Variants in COG4 observed in about 807,000 individuals in gnomAD.
The protein encoded by COG4 is conserved oligomeric Golgi complex subunit 4.
In COG4, 65 loss-of-function variants were observed where a neutral mutation model predicts 95.1. The observed-to-expected ratio is 0.68, with a 90% confidence interval of 0.56 to 0.84. The LOEUF (loss-of-function observed/expected upper bound fraction) is 0.84. COG4 is among the 40% of genes least tolerant of loss of function. The pLI is 0.00. For missense variants in COG4, 1,045 were observed against 989.1 expected, an observed-to-expected ratio of 1.06 and a Z score of -0.76; for synonymous variants, 421 against 374.8, an observed-to-expected ratio of 1.12 and a Z score of -1.42.
At chr16:70,503,570 C>G (rs1298681439) in intron 8 of COG4, among the ~76,000 whole-genome samples, 6 of 150,712 alleles carry the variant, frequency 4.0e-5, no homozygotes. Flanking sequence ...CTGGAATACT[C>G]CTCACATCTT....
At position 70,481,133 on chromosome 16, in the gene COG4, G is replaced by A. The variant is rs767522005; in HGVS notation, c.2247C>T (p.Ile749=). The change falls in exon 19 of 19, where the codon ATC becomes ATT. Residue 749 remains isoleucine, a synonymous_variant. Coordinates refer to ENST00000323786, the MANE Select transcript of COG4 (RefSeq NM_015386.3). ...TILNLERVTE[I]LDYWGPNSGP... is the part of the protein sequence containing the mutation. ...CGGAATTGGGTCCCCAGTAATCGAG[G>A]ATCTCGGTCACCTGTGGGGAAGGAC... is the stretch of plus-strand genomic sequence containing the variant. The A allele has an allele frequency of 6.2e-7, 1 of 1,613,456 alleles. No individual in the cohort carries two copies. The highest frequency in any genetic ancestry group is 8.5e-7 in the Non-Finnish European group (1 of 1,179,970).
chr16:70,480,676 C>T lies in COG4; in HGVS notation c.*334G>A. ...ATGTACCCAAGTTGTCTAGGACTGG[C>T]AGGGGTAGCTTGTTTGCTGTAGTGT... On this transcript the variant is annotated 3_prime_UTR_variant, in exon 19 of 19. Transcript: ENST00000323786. 2.8e-6 allele frequency: 1 copy of T among 362,126 alleles called. No individual in the cohort carries two copies. The highest frequency in any genetic ancestry group is 5.2e-6 in the Non-Finnish European group (1 of 192,384). 22.4% of individuals were successfully genotyped at this position (362,126 alleles called of 1,614,324 possible).
chr16:70,497,283 G>A lies in COG4; in HGVS notation c.1419C>T (p.Ser473=), dbSNP rs1164195171. The change falls in exon 11 of 19, where the codon TCC becomes TCT. Residue 473 remains serine (S), a synonymous_variant. Transcript: ENST00000323786. ...KKCIGRALSS[S]SIDCLCAMIN... is the part of the protein sequence containing the mutation. ...TCATGGCACAGAGACAGTCAATGCT[G>A]GAGCTGGACAGAGCCCGCCCAATGC... The A allele has an allele frequency of 6.2e-7, 1 of 1,614,138 alleles. No homozygotes were observed. The highest frequency in any genetic ancestry group is 1.1e-5 in the South Asian group (1 of 91,090).
chr16:70,517,494 G>A, intron 3 of COG4, 132 bp downstream of exon 3: 1 of 649,826 alleles, frequency 1.5e-6, no homozygotes, highest in Non-Finnish European at 2.7e-6. Flanking sequence ...AGGCTGAGGT[G>A]GGAGAATTGC....
Position 70,481,630 on chromosome 16 carries a change from G to C in COG4, c.2106+134C>G, listed in dbSNP as rs1463835366. On this transcript the variant is annotated intron_variant, in intron 17 of 18. Transcript: ENST00000323786. ...GTTTGCTCTACGGCTTCAGAAGCCA[G>C]AGCAGGACTGGACCCAGACATGCAG... 5.0e-6 allele frequency: 7 copies of C among 1,401,142 alleles called. No homozygotes were observed. In the East Asian group the frequency reaches 1.2e-4, roughly 24 times the overall value. The allele number at this position is 1,401,142 out of a possible 1,614,324, so 86.8% of individuals were successfully genotyped here.
intron 12 of COG4, among the ~76,000 whole-genome samples, 173 bp downstream of exon 12, chr16:70,496,093 A>G (rs2049333897): frequency 6.6e-6 from 1 of 152,236 alleles, no homozygotes; most frequent in Non-Finnish European, 1.5e-5. Flanking sequence ...TCCCTGAGTA[A>G]GAAATAGTTT....
intron 7 of COG4, 80 bp downstream of exon 7, chr16:70,509,151 T>C: frequency 1.3e-6 from 2 of 1,579,096 alleles, no homozygotes; most frequent in South Asian, 2.2e-5. Flanking sequence ...TTTTCACTTT[T>C]TCAAACCCTA....
chr16:70,514,742 C>A (rs1013014408), intron 3 of COG4, among the ~76,000 whole-genome samples: 5 of 152,082 alleles, frequency 3.3e-5, no homozygotes, highest in Non-Finnish European at 7.4e-5. Flanking sequence ...TAGACAGAGT[C>A]TCACTCTGTT....
chr16:70,514,364 A>G lies in COG4; in HGVS notation c.515T>C (p.Val172Ala). 6.2e-7 allele frequency: 1 copy of G among 1,614,170 alleles called. No individual in the cohort carries two copies. The highest frequency in any genetic ancestry group is 8.5e-7 in the Non-Finnish European group (1 of 1,180,040). ...THRYLCLDKS[V>A]IELSRQGKEG... Reference sequence around the variant, plus strand: ...TTTGCCCTGTCGGCTGAGCTCAATGACCGACTTGTCCAGGCACAAGTAGCG... The same window carrying G: ...TTTGCCCTGTCGGCTGAGCTCAATGGCCGACTTGTCCAGGCACAAGTAGCG... The change falls in exon 4 of 19, where the codon GTC becomes GCC. Residue 172 changes from valine to alanine, a missense_variant. By Grantham distance (64) the Val-to-Ala change is moderately conservative. Coordinates refer to ENST00000323786, the MANE Select transcript of COG4 (RefSeq NM_015386.3).
Position 70,481,983 on chromosome 16 carries a change from T to C in COG4, c.2004+109A>G, listed in dbSNP as rs750280446. 2.9e-4 allele frequency: 391 copies of C among 1,332,690 alleles called. 1 individual carries two copies. The highest frequency in any genetic ancestry group is 7.2e-4 in the Middle Eastern group (4 of 5,566). 82.6% of individuals were successfully genotyped at this position (1,332,690 alleles called of 1,614,324 possible). A position where few individuals can be genotyped will look rare whatever the true frequency, so the allele number is the denominator to read the frequency against. ...ACGGGGGAGTTTCTACAGGTGAGGGTTGGAAGGGCTTTCAGGGTCCCCAGA... is the reference window on the plus strand; with the variant it reads ...ACGGGGGAGTTTCTACAGGTGAGGGCTGGAAGGGCTTTCAGGGTCCCCAGA... On this transcript the variant is annotated intron_variant, in intron 16 of 18. Transcript: ENST00000323786.
At chr16:70,522,597 G>A (rs1181275521) in intron 1 of COG4, among the ~76,000 whole-genome samples, 1 of 152,206 alleles carries the variant, frequency 6.6e-6, no homozygotes, top group Non-Finnish European at 1.5e-5. Flanking sequence ...TGCCTTTTGT[G>A]CTCAACTTTG....
At chr16:70,493,110 C>T (rs2049277561) in intron 12 of COG4, among the ~76,000 whole-genome samples, 1 of 152,166 alleles carries the variant, frequency 6.6e-6, no homozygotes, top group South Asian at 2.1e-4. Flanking sequence ...AAGGGTAGAA[C>T]ATAATTCTGA....
intron 13 of COG4, among the ~76,000 whole-genome samples, chr16:70,489,529 T>A (rs557513756): frequency 9.1e-5 from 13 of 142,490 alleles, no homozygotes; most frequent in Admixed American, 3.5e-4. Flanking sequence ...GATCCTGATT[T>A]AAAAAAAAAA....
chr16:70,492,661 C>CAAAA (rs57112173), intron 12 of COG4, among the ~76,000 whole-genome samples: 2 of 95,010 alleles, frequency 2.1e-5, no homozygotes, highest in African/African-American at 8.2e-5. Flanking sequence ...AACTCCGTCT[C>CAAAA]AAAAAAAAAA....
At chr16:70,486,027 C>T (rs1051526537) in intron 13 of COG4, among the ~76,000 whole-genome samples, 9 of 151,920 alleles carry the variant, frequency 5.9e-5, no homozygotes, top group Admixed American at 5.9e-4. Context: ...TCCCAAGTAG[C>T]TGGGACTACA....
intron 7 of COG4, 116 bp from the exon 8 acceptor site, chr16:70,508,580 G>C: frequency 1.1e-6 from 1 of 914,528 alleles, no homozygotes; most frequent in Non-Finnish European, 1.8e-6. Context: ...TTGTTTACCA[G>C]GTTTACCTTC....
intron 12 of COG4, among the ~76,000 whole-genome samples, 160 bp from the exon 13 acceptor site, chr16:70,490,552 G>A (rs561002276): frequency 6.6e-6 from 1 of 152,328 alleles, no homozygotes; most frequent in African/African-American, 2.4e-5. Context: ...CATCTGAGCA[G>A]GACGCTCAGA....
intron 1 of COG4, among the ~76,000 whole-genome samples, chr16:70,520,374 T>C (rs60752933): frequency 0.01 from 23 of 2,264 alleles, no homozygotes; most frequent in African/African-American, 0.024. Context: ...ACCCGGGGGG[T>C]GGGGGGGGGG....
intron 8 of COG4, among the ~76,000 whole-genome samples, chr16:70,506,829 T>C (rs1406370572): frequency 7.9e-5 from 12 of 151,720 alleles, no homozygotes. Flanking sequence ...AATTTTAGGA[T>C]AGTAGTTACC....
Sources: allele counts gnomAD v4.1 joint callset (sites outside exome capture counted in the v4.1 genomes callset), GRCh38; gene constraint gnomAD v4.1.1; transcripts MANE v1.5; gene names NCBI Gene and HGNC (gene_info 2026-07-23, HGNC 2026-07-21).